LYNX1: variants seen among roughly 807,000 people sequenced by gnomAD.
The protein encoded by LYNX1 is ly-6/neurotoxin-like protein 1.
A neutral mutation model predicts 8.3 loss-of-function variants in LYNX1; 8 were observed. The observed-to-expected ratio is 0.97, with a 90% CI of 0.57 to 1.74. The LOEUF (loss-of-function observed/expected upper bound fraction) is 1.74. Ranked by LOEUF, LYNX1 falls within the 40% of genes most tolerant of loss-of-function variation. The pLI is 0.00. For synonymous variants in LYNX1, 73 were observed against 67.9 expected (o/e 1.08, Z -0.37); for missense variants, 158 against 159.7 (o/e 0.99, Z 0.06).
Position 142,774,331 on chromosome 8 carries a change from A to C in LYNX1, c.*836T>G, listed in dbSNP as rs892847. On this transcript the variant is annotated 3_prime_UTR_variant, in exon 4 of 4. Transcript: ENST00000652477. ...GGTCCTGCTGTGGTTGGGGACCAGG[A>C]CTCGGGGGACCACCTGCTCTGCCCC... The C allele has an allele frequency of 0.84, 823,957 of 985,760 alleles. 344,999 individuals are homozygous for C. Among genetic ancestry groups the C allele is most frequent in the Non-Finnish European group, 0.85 (702,502 of 830,342 alleles). The allele number at this position is 985,760 out of a possible 1,614,324, so 61.1% of individuals were successfully genotyped here. A position where few individuals can be genotyped will look rare whatever the true frequency, so the allele number is the denominator to read the frequency against.
Position 142,772,070 on chromosome 8 carries a change from C to T in LYNX1, c.*3097G>A, listed in dbSNP as rs1296872671. On this transcript the variant is annotated 3_prime_UTR_variant, in exon 4 of 4. Coordinates refer to ENST00000652477, the MANE Select transcript of LYNX1 (RefSeq NM_177477.4). ...GTCCAGTTCCCAGAATGTATAACAT[C>T]CCAGGGTGCCAGAGCCCGCCCAAGC... 7.1e-6 allele frequency: 7 copies of T among 986,544 alleles called. No homozygotes were observed. Among genetic ancestry groups the T allele is most frequent in the Admixed American group, 6.1e-5 (1 of 16,278 alleles). 61.1% of individuals were successfully genotyped at this position (986,544 alleles called of 1,614,324 possible).
At position 142,775,594 on chromosome 8, in the gene LYNX1, G is replaced by T. The variant is rs1331991479; in HGVS notation, c.153C>A (p.Thr51=). 1 of 1,588,014 alleles carries T rather than the reference G, an allele frequency of 6.3e-7. No individual in the cohort carries two copies. The highest frequency in any genetic ancestry group is 1.8e-5 in the Admixed American group (1 of 55,876). The change falls in exon 3 of 4, where the codon ACC becomes ACA. Residue 51 remains threonine, a splice_region_variant and synonymous_variant. Coordinates refer to ENST00000652477, the MANE Select transcript of LYNX1 (RefSeq NM_177477.4). ...GCCACGCAGGGCCCCCAGACTCACA[G>T]GTGCGCGTGGTCATGCAGTAGGCAA... The part of the protein sequence containing the change: ...AMVAYCMTTR[T]YYTPTRMKVS...
At position 142,774,645 on chromosome 8, in the gene LYNX1, C is replaced by T. The variant is rs916967149; in HGVS notation, c.*522G>A. 12 of 986,906 alleles carry T rather than the reference C, an allele frequency of 1.2e-5. No individual in the cohort carries two copies. Among genetic ancestry groups the T allele is most frequent in the African/African-American group, 3.5e-5 (2 of 57,252 alleles). The allele number at this position is 986,906 out of a possible 1,614,324, so 61.1% of individuals were successfully genotyped here. A position where few individuals can be genotyped will look rare whatever the true frequency, so the allele number is the denominator to read the frequency against. On this transcript the variant is annotated 3_prime_UTR_variant, in exon 4 of 4. Coordinates refer to ENST00000652477, the MANE Select transcript of LYNX1 (RefSeq NM_177477.4). ...TAGCACAGGGGCCGGTGCCAAAGGC[C>T]CTCCTCCCACAGCCCTGATCCCGTA...
chr8:142,777,640 C>G (rs1815483098), upstream of LYNX1: 6 of 395,838 alleles, frequency 1.5e-5, 2 homozygotes, highest in East Asian at 3.6e-5. Context: ...TCGGCCCGGA[C>G]CCGTCCCCGG....
intron 3 of LYNX1, 56 bp downstream of exon 3, chr8:142,775,537 G>A: frequency 6.4e-7 from 1 of 1,555,656 alleles, no homozygotes; most frequent in Non-Finnish European, 8.7e-7. Context: ...CAGGGGCAGG[G>A]CAGAACCTCC....
At position 142,773,631 on chromosome 8, in the gene LYNX1, G is replaced by A. The variant is rs1815270176; in HGVS notation, c.*1536C>T. The A allele has an allele frequency of 6.1e-6, 6 of 985,456 alleles. No individual in the cohort carries two copies. The highest frequency in any genetic ancestry group is 6.0e-6 in the Non-Finnish European group (5 of 829,970). The allele number at this position is 985,456 out of a possible 1,614,324, so 61.0% of individuals were successfully genotyped here. A position where few individuals can be genotyped will look rare whatever the true frequency, so the allele number is the denominator to read the frequency against. On this transcript the variant is annotated 3_prime_UTR_variant, in exon 4 of 4. Transcript: ENST00000652477. ...AGCCCCAGGAGCAGAACGCAGGCCT[G>A]CATATAGACTCACTGCAAGGAGACC...
In LYNX1 at chr8:142,774,699, G is replaced by A. The variant is rs1331190053; in HGVS notation, c.*468C>T. 5 of 999,656 alleles carry A rather than the reference G, an allele frequency of 5.0e-6. No homozygotes were observed. The African/African-American group carries it at 8.7e-5, about 17-fold the overall frequency. 61.9% of individuals were successfully genotyped at this position (999,656 alleles called of 1,614,324 possible). A position where few individuals can be genotyped will look rare whatever the true frequency, so the allele number is the denominator to read the frequency against. On this transcript the variant is annotated 3_prime_UTR_variant, in exon 4 of 4. Transcript: ENST00000652477. ...GTCCTGGCAGCTCCTGGCCTCAGTA[G>A]GAAGCGTGACTAGGCCTGGAGGAGC...
Position 142,772,838 on chromosome 8 carries a change from G to A in LYNX1, c.*2329C>T. ...TACGCCAGGTGCCAAGGGCAGGCCA[G>A]CCAGGCAGAACCATGTGTGGGGCTG... is the stretch of plus-strand genomic sequence containing the variant. On this transcript the variant is annotated 3_prime_UTR_variant, in exon 4 of 4. Transcript: ENST00000652477. The A allele has an allele frequency of 2.0e-6, 2 of 985,886 alleles. No homozygotes were observed. Among genetic ancestry groups the A allele is most frequent in the Non-Finnish European group, 2.4e-6 (2 of 830,236 alleles). 61.1% of individuals were successfully genotyped at this position (985,886 alleles called of 1,614,324 possible).
chr8:142,776,228 G>A (rs1402949134), intron 1 of LYNX1, 107 bp from the exon 2 acceptor site: 2 of 519,468 alleles, frequency 3.9e-6, no homozygotes, highest in South Asian at 4.2e-5. Context: ...CTCAGTGGGT[G>A]TCAGGGAAGG....
Position 142,771,987 on chromosome 8 carries a change from C to T in LYNX1, c.*3180G>A. On this transcript the variant is annotated 3_prime_UTR_variant, in exon 4 of 4. Coordinates refer to ENST00000652477, the MANE Select transcript of LYNX1 (RefSeq NM_177477.4). The stretch of plus-strand genomic sequence containing the variant: ...CTCCGACTTCTCTAGTGGCTGATTG[C>T]AGTTCCCAGAATGTATAACATCCCA... 1.0e-6 allele frequency: 1 copy of T among 986,044 alleles called. No homozygotes were observed. Among genetic ancestry groups the T allele is most frequent in the South Asian group, 4.7e-5 (1 of 21,302 alleles). The allele number at this position is 986,044 out of a possible 1,614,324, so 61.1% of individuals were successfully genotyped here.
rs866168642 is a variant in LYNX1 at position 142,775,194 on chromosome 8, G to A, written c.324C>T (p.Leu108=). Residue 108 remains leucine (L), a synonymous_variant, in exon 4 of 4, where the codon CTC becomes CTT. Transcript: ENST00000652477. ...AGAGGAGACCCCAGAGGGTGGCCAG[G>A]AGGATGGGGGCCAGGGCCAGGGTGG... is the stretch of plus-strand genomic sequence containing the variant. ...TPATLALAPI[L]LATLWGLL The A allele has an allele frequency of 3.7e-6, 6 of 1,612,534 alleles. No individual in the cohort carries two copies. The South Asian group carries it at 4.4e-5, about 12-fold the overall frequency.
chr8:142,774,630 G>T lies in LYNX1; in HGVS notation c.*537C>A. The T allele has an allele frequency of 2.0e-6, 2 of 987,112 alleles. No homozygotes were observed. The highest frequency in any genetic ancestry group is 2.4e-6 in the Non-Finnish European group (2 of 831,100). The allele number at this position is 987,112 out of a possible 1,614,324, so 61.1% of individuals were successfully genotyped here. On this transcript the variant is annotated 3_prime_UTR_variant, in exon 4 of 4. Coordinates refer to ENST00000652477, the MANE Select transcript of LYNX1 (RefSeq NM_177477.4). ...GCCTGGCAGACTTCCTAGCACAGGG[G>T]CCGGTGCCAAAGGCCCTCCTCCCAC...
Position 142,772,326 on chromosome 8 carries a change from T to C in LYNX1, c.*2841A>G, listed in dbSNP as rs587696430. 6.9e-5 allele frequency: 68 copies of C among 985,714 alleles called. No homozygotes were observed. In the African/African-American group the frequency reaches 1.2e-3, roughly 17 times the overall value. The allele number at this position is 985,714 out of a possible 1,614,324, so 61.1% of individuals were successfully genotyped here. ...GCCCAGTGCCTCTCCCCCTCTCCTC[T>C]GCCACTCTGCCCTGCACCCAGAGGC... On this transcript the variant is annotated 3_prime_UTR_variant, in exon 4 of 4. Coordinates refer to ENST00000652477, the MANE Select transcript of LYNX1 (RefSeq NM_177477.4).
Position 142,773,399 on chromosome 8 carries a change from A to T in LYNX1, c.*1768T>A, listed in dbSNP as rs1815261838. On this transcript the variant is annotated 3_prime_UTR_variant, in exon 4 of 4. Coordinates refer to ENST00000652477, the MANE Select transcript of LYNX1 (RefSeq NM_177477.4). ...CCAGGCCCACCCTGTGCTGGCAGCA[A>T]CTCCTTCCCAGCTCTGGGCCCAGTA... 2.0e-6 allele frequency: 2 copies of T among 984,864 alleles called. No homozygotes were observed. The highest frequency in any genetic ancestry group is 2.4e-6 in the Non-Finnish European group (2 of 829,964). The allele number at this position is 984,864 out of a possible 1,614,324, so 61.0% of individuals were successfully genotyped here.
rs1277945481 is a variant in LYNX1 at position 142,773,744 on chromosome 8, C to A, written c.*1423G>T. 42 of 985,232 alleles carry A rather than the reference C, an allele frequency of 4.3e-5. No individual in the cohort carries two copies. The highest frequency in any genetic ancestry group is 4.9e-5 in the Non-Finnish European group (41 of 829,922). The allele number at this position is 985,232 out of a possible 1,614,324, so 61.0% of individuals were successfully genotyped here. On this transcript the variant is annotated 3_prime_UTR_variant, in exon 4 of 4. Transcript: ENST00000652477. ...CAATTTCCAGCAGGGGCTCCCCTGA[C>A]CAGGGCCATACTTTGGGGCCGGGAC...
In LYNX1 at chr8:142,774,145, G is replaced by GCCCCGGGCCCCCCC; in HGVS notation, c.*1021_*1022insGGGGGGGCCCGGGG. The GCCCCGGGCCCCCCC allele has an allele frequency of 1.0e-6, 1 of 981,852 alleles. No homozygotes were observed. Among genetic ancestry groups the GCCCCGGGCCCCCCC allele is most frequent in the Non-Finnish European group, 1.2e-6 (1 of 827,986 alleles). The allele number at this position is 981,852 out of a possible 1,614,324, so 60.8% of individuals were successfully genotyped here. On this transcript the variant is annotated 3_prime_UTR_variant, in exon 4 of 4. Coordinates refer to ENST00000652477, the MANE Select transcript of LYNX1 (RefSeq NM_177477.4). ...GCTGCGGGGGAGGGGCTGGGTCTCC[G>GCCCCGGGCCCCCCC]CCCTCCCCACCCCACCCTCCCCACT...
Position 142,774,149 on chromosome 8 carries a change from T to TTGGCCCC in LYNX1, c.*1017_*1018insGGGGCCA. 1 of 725,200 alleles carries TTGGCCCC rather than the reference T, an allele frequency of 1.4e-6. No individual in the cohort carries two copies. Among genetic ancestry groups the TTGGCCCC allele is most frequent in the Non-Finnish European group, 1.6e-6 (1 of 608,406 alleles). The allele number at this position is 725,200 out of a possible 1,614,324, so 44.9% of individuals were successfully genotyped here. On this transcript the variant is annotated 3_prime_UTR_variant, in exon 4 of 4. Coordinates refer to ENST00000652477, the MANE Select transcript of LYNX1 (RefSeq NM_177477.4). The stretch of plus-strand genomic sequence containing the variant: ...CGGGGGAGGGGCTGGGTCTCCGCCC[T>TTGGCCCC]CCCCACCCCACCCTCCCCACTCCCG...
chr8:142,775,037 A>G lies in LYNX1; in HGVS notation c.*130T>C. The G allele has an allele frequency of 6.9e-7, 1 of 1,450,368 alleles. No homozygotes were observed. The highest frequency in any genetic ancestry group is 2.5e-5 in the East Asian group (1 of 40,276). The allele number at this position is 1,450,368 out of a possible 1,614,324, so 89.8% of individuals were successfully genotyped here. On this transcript the variant is annotated 3_prime_UTR_variant, in exon 4 of 4. Coordinates refer to ENST00000652477, the MANE Select transcript of LYNX1 (RefSeq NM_177477.4). ...GGGGAGGTCGGGTGTCTTCTTGCCCACAGTCCTGACCCTGGGCATGGCTGA... is the reference window on the plus strand; with the variant it reads ...GGGGAGGTCGGGTGTCTTCTTGCCCGCAGTCCTGACCCTGGGCATGGCTGA...
At position 142,772,279 on chromosome 8, in the gene LYNX1, GTGGGAAC is replaced by G. The variant is rs1004552404; in HGVS notation, c.*2881_*2887del. On this transcript the variant is annotated 3_prime_UTR_variant, in exon 4 of 4. Coordinates refer to ENST00000652477, the MANE Select transcript of LYNX1 (RefSeq NM_177477.4). ...CGGTTCTGCGAGAGAGATCCCCGAA[GTGGGAAC>G]TGGGCCCCCATGGTGCCCAGTGCCT... is the stretch of plus-strand genomic sequence containing the variant. 128 of 985,824 alleles carry G rather than the reference GTGGGAAC, an allele frequency of 1.3e-4. No individual in the cohort carries two copies. Among genetic ancestry groups the G allele is most frequent in the Admixed American group, 1.8e-4 (3 of 16,274 alleles). 61.1% of individuals were successfully genotyped at this position (985,824 alleles called of 1,614,324 possible).
Sources: allele counts gnomAD v4.1 joint callset, GRCh38; gene constraint gnomAD v4.1.1; transcripts MANE v1.5; gene names NCBI Gene and HGNC (gene_info 2026-07-23, HGNC 2026-07-21).